The following BACH2 variants were observed in gnomAD, a reference collection of about 807,000 sequenced individuals.
BACH2 encodes transcription regulator protein BACH2.
Under a neutral mutation model 61.8 loss-of-function variants are expected in BACH2, and 5 were observed. That is an observed-to-expected ratio of 0.08 (90% CI 0.04 to 0.17). BACH2 has a LOEUF of 0.17. Among genes scored for constraint, BACH2 ranks in the 10% least tolerant of loss-of-function variants. The pLI is 1.00. For missense variants in BACH2, 824 were observed against 1,091.1 expected (o/e 0.76, Z 3.45); for synonymous variants, 446 against 440.1 (o/e 1.01, Z -0.17).
At chr6:90,193,809 T>G (rs999253601) in intron 4 of BACH2, among the ~76,000 whole-genome samples, 3 of 152,220 alleles carry the variant, frequency 2.0e-5, no homozygotes, top group Non-Finnish European at 4.4e-5. Flanking sequence ...GGCAAGTAAT[T>G]TTAAATTATT....
intron 4 of BACH2, among the ~76,000 whole-genome samples, chr6:90,102,687 G>A (rs764214408): frequency 1.6e-4 from 25 of 151,656 alleles, no homozygotes; most frequent in Non-Finnish European, 2.8e-4. Context: ...CTACTCGGGA[G>A]GACGAGGCAG....
intron 2 of BACH2, among the ~76,000 whole-genome samples, chr6:90,264,592 T>C (rs958484223): frequency 9.2e-5 from 14 of 152,228 alleles, no homozygotes; most frequent in African/African-American, 3.4e-4. Flanking sequence ...TTGAGAGGCC[T>C]AGGGCTAAAG....
chr6:90,051,981 T>C (rs918692898), intron 5 of BACH2, among the ~76,000 whole-genome samples: 16 of 152,284 alleles, frequency 1.1e-4, no homozygotes, highest in Admixed American at 8.5e-4. Flanking sequence ...AATTTCCACA[T>C]ATAAGGGGAA....
rs138775670 is a variant in BACH2 at position 90,238,178 on chromosome 6, A to C, written c.-275+14335T>G. ...CTAAAGAGAATTTTATAATAGTCTC[A>C]TAACCCCATTAGGGGGAAAAATGTA... is the stretch of plus-strand genomic sequence containing the variant. On this transcript the variant is annotated intron_variant, in intron 3 of 8. Coordinates refer to ENST00000257749, the MANE Select transcript of BACH2 (RefSeq NM_021813.4). 3.8e-4 allele frequency among the ~76,000 whole-genome samples: 58 copies of C among 152,358 alleles called. No individual in the cohort carries two copies. The East Asian group carries it at 0.011, about 28-fold the overall frequency.
At chr6:90,179,298 C>A (rs1046810380) in intron 4 of BACH2, among the ~76,000 whole-genome samples, 25 of 151,984 alleles carry the variant, frequency 1.6e-4, no homozygotes, top group African/African-American at 5.8e-4. Flanking sequence ...AAACAAGTAA[C>A]CTAAAACTAA....
At chr6:90,043,684 G>GT (rs1779649514) in intron 5 of BACH2, among the ~76,000 whole-genome samples, 1 of 152,204 alleles carries the variant, frequency 6.6e-6, no homozygotes, top group South Asian at 2.1e-4. Context: ...GCTCCATGCT[G>GT]TTGCATGTTC....
At chr6:90,218,506 CTTTTTTT>C (rs34080254) in intron 3 of BACH2, among the ~76,000 whole-genome samples, 1 of 142,888 alleles carries the variant, frequency 7.0e-6, no homozygotes, top group Non-Finnish European at 1.5e-5. Flanking sequence ...TCTTTTCTTT[CTTTTTTT>C]TTTTTTTAAT....
At chr6:90,173,463 T>A (rs369890934) in intron 4 of BACH2, among the ~76,000 whole-genome samples, 1 of 152,074 alleles carries the variant, frequency 6.6e-6, no homozygotes, top group Non-Finnish European at 1.5e-5. Flanking sequence ...CTGTGGTATA[T>A]CCATACAGTG....
intron 4 of BACH2, among the ~76,000 whole-genome samples, chr6:90,167,991 G>C (rs561755014): frequency 6.6e-6 from 1 of 152,264 alleles, no homozygotes; most frequent in African/African-American, 2.4e-5. Context: ...CACTTTCTAG[G>C]AATCTAGCCT....
chr6:90,220,964 G>T (rs1439656976), intron 3 of BACH2, among the ~76,000 whole-genome samples: 1 of 152,204 alleles, frequency 6.6e-6, no homozygotes, highest in African/African-American at 2.4e-5. Flanking sequence ...GGATCCCTGA[G>T]TGGGGAGGTA....
chr6:90,129,202 AAAACTT>A (rs1463633320), intron 4 of BACH2, among the ~76,000 whole-genome samples: 1 of 152,186 alleles, frequency 6.6e-6, no homozygotes, highest in African/African-American at 2.4e-5. Context: ...CATGTACCCT[AAAACTT>A]AAAGTATAAT....
At chr6:90,217,642 C>T (rs1461190512) in intron 3 of BACH2, among the ~76,000 whole-genome samples, 1 of 152,050 alleles carries the variant, frequency 6.6e-6, no homozygotes, top group Non-Finnish European at 1.5e-5. Context: ...TTTATGCATT[C>T]TTTTACTCCA....
At chr6:90,088,791 G>A (rs1487188377) in intron 5 of BACH2, among the ~76,000 whole-genome samples, 170 bp downstream of exon 5, 1 of 151,978 alleles carries the variant, frequency 6.6e-6, no homozygotes, top group Non-Finnish European at 1.5e-5. Context: ...GAGCCACTGA[G>A]TTAAGGAACC....
At position 90,102,659 on chromosome 6, in the gene BACH2, G is replaced by A. The variant is rs192966277; in HGVS notation, c.-161-13550C>T. ...CAAACAATTAGCTGGGCATGATGGCGGGTGCCTGTAATCCCAGCTACTCGG... is the reference window on the plus strand; with the variant it reads ...CAAACAATTAGCTGGGCATGATGGCAGGTGCCTGTAATCCCAGCTACTCGG... On this transcript the variant is annotated intron_variant, in intron 4 of 8. Transcript: ENST00000257749. 2.4e-3 allele frequency among the ~76,000 whole-genome samples: 359 copies of A among 151,796 alleles called. 3 individuals are homozygous for A. The highest frequency in any genetic ancestry group is 0.018 in the East Asian group (92 of 5,164).
At chr6:90,289,598 C>T (rs1364447601) in intron 1 of BACH2, among the ~76,000 whole-genome samples, 2 of 152,096 alleles carry the variant, frequency 1.3e-5, no homozygotes, top group African/African-American at 2.4e-5. Context: ...CTGTCTTGGG[C>T]CACACATAAA....
intron 5 of BACH2, among the ~76,000 whole-genome samples, chr6:90,041,218 G>C (rs899818711): frequency 6.6e-6 from 1 of 151,920 alleles, no homozygotes; most frequent in Non-Finnish European, 1.5e-5. Context: ...GGGACTGCTG[G>C]GCCAAATGGT....
At chr6:90,269,806 G>A (rs1029748958) in intron 2 of BACH2, among the ~76,000 whole-genome samples, 3 of 152,074 alleles carry the variant, frequency 2.0e-5, no homozygotes, top group East Asian at 1.9e-4. Flanking sequence ...TGATGGCCCC[G>A]GTGAGTGGGA....
At chr6:90,155,262 T>G (rs1356905202) in intron 4 of BACH2, among the ~76,000 whole-genome samples, 1 of 152,182 alleles carries the variant, frequency 6.6e-6, no homozygotes, top group Non-Finnish European at 1.5e-5. Context: ...GAGAGCCTTC[T>G]TAGGACTTCT....
chr6:90,193,865 T>C (rs1442310804), intron 4 of BACH2, among the ~76,000 whole-genome samples: 1 of 152,172 alleles, frequency 6.6e-6, no homozygotes, highest in African/African-American at 2.4e-5. Context: ...CAGGGAACAA[T>C]CCATGTAAAA....
Sources: gnomAD v4.1 joint callset for allele counts (sites outside exome capture counted in the v4.1 genomes callset) on GRCh38, gnomAD v4.1.1 for gene constraint, MANE v1.5 for transcripts, NCBI Gene and HGNC (gene_info 2026-07-23, HGNC 2026-07-21) for gene names.